LMBRD2: variants seen among roughly 807,000 people sequenced by gnomAD.
LMBRD2 encodes the protein G protein-coupled receptor-associated protein LMBRD2.
Under a neutral mutation model 94.4 loss-of-function variants are expected in LMBRD2, and 55 were observed. The observed-to-expected ratio is 0.58, with a 90% CI of 0.47 to 0.73. The LOEUF is 0.73. LMBRD2 is among the 30% of genes least tolerant of loss of function. The pLI, the probability that LMBRD2 is intolerant of heterozygous loss-of-function variation, is 0.00. For missense variants in LMBRD2, 640 were observed against 831.9 expected (o/e 0.77, Z 2.84); for synonymous variants, 246 against 272.4 (o/e 0.90, Z 0.95).
rs532634475 is a variant in LMBRD2 at position 36,119,825 on chromosome 5, G to T, written c.1121-1909C>A. ...CATTGAGAAAACAGAAGCGATCAGA[G>T]AATTTTCCCAAGTTTCTAACACTAC... On this transcript the variant is annotated intron_variant, in intron 9 of 17. Coordinates refer to ENST00000296603, the MANE Select transcript of LMBRD2 (RefSeq NM_001007527.2). 1.8e-4 allele frequency among the ~76,000 whole-genome samples: 27 copies of T among 152,178 alleles called. 1 individual carries two copies. The Middle Eastern group carries it at 0.017, about 96-fold the overall frequency.
chr5:36,146,941 A>AGTGTGTGTGTGTGTGT (rs371000455), intron 1 of LMBRD2, among the ~76,000 whole-genome samples: 25 of 139,410 alleles, frequency 1.8e-4, no homozygotes, highest in South Asian at 4.7e-4. Context: ...TGTGTGTGTG[A>AGTGTGTGTGTGTGTGT]GTGTGTGTGT....
rs779303991 is a variant in LMBRD2 at position 36,105,206 on chromosome 5, G to C, written c.1898-9C>G. The C allele has an allele frequency of 6.2e-7, 1 of 1,610,682 alleles. No individual in the cohort carries two copies. The highest frequency in any genetic ancestry group is 1.7e-5 in the Admixed American group (1 of 59,674). On this transcript the variant is annotated splice_polypyrimidine_tract_variant and intron_variant, in intron 16 of 17. Transcript: ENST00000296603. ...GGTATATTTGAATGCAGCTGCAAAG[G>C]AAGGGGGAAAAATGTCTACTTCCCT... is the stretch of plus-strand genomic sequence containing the variant.
rs1336699804 is a variant in LMBRD2 at position 36,101,336 on chromosome 5, A to C, written c.*2710T>G. ...TTTTCTACAATAGTTATTCTGAATT[A>C]CTGGCTTACTGAATATTCTTACCTA... On this transcript the variant is annotated 3_prime_UTR_variant, in exon 18 of 18. Transcript: ENST00000296603. The C allele has an allele frequency of 2.0e-5, 3 of 151,982 alleles. No individual in the cohort carries two copies. The highest frequency in any genetic ancestry group is 7.2e-5 in the African/African-American group (3 of 41,442). The allele number at this position is 151,982 out of a possible 1,614,324, so 9.4% of individuals were successfully genotyped here.
chr5:36,111,095 GTATTT>G, intron 14 of LMBRD2, 55 bp downstream of exon 14: 1 of 947,526 alleles, frequency 1.1e-6, no homozygotes, highest in South Asian at 1.6e-5. Flanking sequence ...TATTAATTTT[GTATTT>G]TGAGTCTTAG....
intron 5 of LMBRD2, among the ~76,000 whole-genome samples, chr5:36,136,938 A>G (rs1744285393): frequency 6.6e-6 from 1 of 152,186 alleles, no homozygotes; most frequent in Non-Finnish European, 1.5e-5. Context: ...TTATAATCAA[A>G]ACAAAAAAAA....
chr5:36,123,403 A>G (rs931030655), intron 7 of LMBRD2, among the ~76,000 whole-genome samples: 22 of 152,154 alleles, frequency 1.4e-4, no homozygotes, highest in African/African-American at 5.1e-4. Context: ...CTACTCACTT[A>G]TTACCTATAT....
At chr5:36,122,785 G>A in intron 8 of LMBRD2, 63 bp downstream of exon 8, 4 of 1,511,480 alleles carry the variant, frequency 2.6e-6, no homozygotes, top group East Asian at 2.5e-5. Context: ...TTTTTTATGA[G>A]CAATGATTAG....
intron 6 of LMBRD2, among the ~76,000 whole-genome samples, chr5:36,135,352 T>C (rs1031431785): frequency 1.3e-5 from 2 of 152,212 alleles, no homozygotes; most frequent in Admixed American, 1.3e-4. Context: ...ATAGTAAGTC[T>C]ATATAATTGT....
At chr5:36,127,403 TA>T (rs1744032049) in intron 6 of LMBRD2, among the ~76,000 whole-genome samples, 1 of 152,130 alleles carries the variant, frequency 6.6e-6, no homozygotes, top group Admixed American at 6.5e-5. Context: ...AGTGCCTTCA[TA>T]AAAACCAAAA....
At chr5:36,143,114 T>C (rs1744457455) in intron 2 of LMBRD2, 62 bp downstream of exon 2, 1 of 1,099,738 alleles carries the variant, frequency 9.1e-7, no homozygotes, top group East Asian at 2.5e-5. Context: ...TAACATTATT[T>C]CCAACATGCT....
At chr5:36,140,117 C>T (rs1040584104) in intron 4 of LMBRD2, among the ~76,000 whole-genome samples, 1 of 152,218 alleles carries the variant, frequency 6.6e-6, no homozygotes, top group African/African-American at 2.4e-5. Context: ...CTCCAAGCTT[C>T]TGGGTACCAC....
rs1466415366 is a variant in LMBRD2, at chr5:36,137,352, A to G, written c.458T>C (p.Ile153Thr). Residue 153 changes from isoleucine to threonine, a missense_variant, in exon 5 of 18, where the codon ATC becomes ACC. By Grantham distance (89) the Ile-to-Thr change is moderately conservative (BLOSUM62 -1). Coordinates refer to ENST00000296603, the MANE Select transcript of LMBRD2 (RefSeq NM_001007527.2). ...KIKTALIENA[I>T]YYGTYLLIFG... is the part of the protein sequence containing the mutation. ...AATCAGCAAATAGGTGCCATAGTAG[A>G]TTGCATTCTCAATTAGTGCAGTTTT... 6.2e-7 allele frequency: 1 copy of G among 1,607,178 alleles called. No homozygotes were observed. The highest frequency in any genetic ancestry group is 8.5e-7 in the Non-Finnish European group (1 of 1,175,066).
At chr5:36,130,963 G>A (rs1287447234) in intron 6 of LMBRD2, among the ~76,000 whole-genome samples, 2 of 152,044 alleles carry the variant, frequency 1.3e-5, no homozygotes, top group African/African-American at 2.4e-5. Flanking sequence ...CAGAGGAGGA[G>A]GGATACTTCC....
chr5:36,141,295 C>G (rs1744404494), intron 3 of LMBRD2, 93 bp from the exon 4 acceptor site: 1 of 670,982 alleles, frequency 1.5e-6, no homozygotes, highest in African/African-American at 1.9e-5. Context: ...AATTTACATT[C>G]AGATTTTAAA....
In LMBRD2 at chr5:36,103,084, A is replaced by T. The variant is rs1479981950; in HGVS notation, c.*962T>A. 6.6e-6 allele frequency: 1 copy of T among 152,268 alleles called. No homozygotes were observed. Among genetic ancestry groups the T allele is most frequent in the East Asian group, 1.9e-4 (1 of 5,194 alleles). The allele number at this position is 152,268 out of a possible 1,614,324, so 9.4% of individuals were successfully genotyped here. On this transcript the variant is annotated 3_prime_UTR_variant, in exon 18 of 18. Coordinates refer to ENST00000296603, the MANE Select transcript of LMBRD2 (RefSeq NM_001007527.2). The stretch of plus-strand genomic sequence containing the variant: ...AATATAGTTTTGTTTTCTATAAACC[A>T]CGATTTAAGTATCAGTAATAACAGT...
At position 36,151,818 on chromosome 5, in the gene LMBRD2, C is replaced by T. The variant is rs531966962; in HGVS notation, c.-320G>A. On this transcript the variant is annotated 5_prime_UTR_variant, in exon 1 of 18. Coordinates refer to ENST00000296603, the MANE Select transcript of LMBRD2 (RefSeq NM_001007527.2). The surrounding 1 kb of genome is among the most constrained non-coding windows in gnomAD (Gnocchi z 4.7). Reference sequence around the variant, plus strand: ...GCTCAGAGACGACAGCGCTGGCGATCACCAGAAGGCCTGCGGGCTCCCGAG... The same window carrying T: ...GCTCAGAGACGACAGCGCTGGCGATTACCAGAAGGCCTGCGGGCTCCCGAG... 13 of 200,042 alleles carry T rather than the reference C, an allele frequency of 6.5e-5. No individual in the cohort carries two copies. Among genetic ancestry groups the T allele is most frequent in the Non-Finnish European group, 1.1e-4 (10 of 95,228 alleles). The allele number at this position is 200,042 out of a possible 1,614,324, so 12.4% of individuals were successfully genotyped here. A position where few individuals can be genotyped will look rare whatever the true frequency, so the allele number is the denominator to read the frequency against.
chr5:36,148,799 T>C (rs1744616841), intron 1 of LMBRD2, among the ~76,000 whole-genome samples: 1 of 152,228 alleles, frequency 6.6e-6, no homozygotes, highest in African/African-American at 2.4e-5. Context: ...TCTTCTCTAA[T>C]CTAGACATAG....
chr5:36,138,109 C>G (rs1049207708), intron 4 of LMBRD2, among the ~76,000 whole-genome samples: 1 of 151,818 alleles, frequency 6.6e-6, no homozygotes, highest in Admixed American at 6.6e-5. Flanking sequence ...AATAGTGGGG[C>G]AAGGAAGAAA....
intron 8 of LMBRD2, 68 bp from the exon 9 acceptor site, chr5:36,122,531 G>A: frequency 1.5e-6 from 2 of 1,302,222 alleles, no homozygotes; most frequent in Non-Finnish European, 2.2e-6. Flanking sequence ...CTCCACTAGG[G>A]AGCATGTTTG....
Sources: allele counts gnomAD v4.1 joint callset (sites outside exome capture counted in the v4.1 genomes callset), GRCh38; gene constraint gnomAD v4.1.1; non-coding constraint Gnocchi (gnomAD v3.1); transcripts MANE v1.5; gene names NCBI Gene and HGNC (gene_info 2026-07-23, HGNC 2026-07-21).